The following SRGAP3 variants were observed in gnomAD, a reference collection of about 807,000 sequenced individuals.
SRGAP3 encodes SLIT-ROBO Rho GTPase activating protein 3.
Under a neutral mutation model 121.1 loss-of-function variants are expected in SRGAP3, and 39 were observed. That is an observed-to-expected ratio of 0.32 (90% confidence interval 0.25 to 0.42). The LOEUF (loss-of-function observed/expected upper bound fraction) is 0.42. Ranked by LOEUF, SRGAP3 falls within the 10% of genes least tolerant of loss-of-function variation. The probability of loss-of-function intolerance (pLI) is 1.00; values close to 1 mark genes in which losing one functional copy is unlikely to be tolerated. For synonymous variants in SRGAP3, 601 were observed against 570.0 expected, an observed-to-expected ratio of 1.05 and a Z score of -0.77; for missense variants, 1,213 against 1,470.6, an observed-to-expected ratio of 0.82 and a Z score of 2.86.
At chr3:9,011,172 G>GA (rs1476674769) in intron 17 of SRGAP3, among the ~76,000 whole-genome samples, 2 of 151,412 alleles carry the variant, frequency 1.3e-5, no homozygotes, top group Admixed American at 6.6e-5. Context: ...AGAGGGACAA[G>GA]AAAAAAAACC....
chr3:9,153,633 A>G (rs1950287262), intron 1 of SRGAP3, among the ~76,000 whole-genome samples: 1 of 152,254 alleles, frequency 6.6e-6, no homozygotes, highest in Admixed American at 6.5e-5. Flanking sequence ...AAGTCATGCA[A>G]TGCAGTGGTA....
In SRGAP3 at chr3:8,990,622, G is replaced by C. The variant is rs1446905033; in HGVS notation, c.2776C>G (p.Pro926Ala). The C allele has an allele frequency of 3.7e-6, 6 of 1,613,186 alleles. No individual in the cohort carries two copies. In the South Asian group the frequency reaches 5.5e-5, roughly 15 times the overall value. ...TFGSAGSINYPDKKALSEGHS... is the reference protein window; with the variant it reads ...TFGSAGSINYADKKALSEGHS... ...CCTTCGGAGAGCGCCTTCTTGTCAG[G>C]GTAGTTGATGCTGCCAGCGCTCCCG... Residue 926 changes from proline (P) to alanine (A), a missense_variant, in exon 21 of 22, where the codon CCT (proline) becomes GCT (alanine). Transcript: ENST00000383836.
intron 1 of SRGAP3, among the ~76,000 whole-genome samples, chr3:9,170,180 T>C (rs754528120): frequency 5.9e-5 from 9 of 152,264 alleles, no homozygotes; most frequent in Middle Eastern, 3.4e-3. Flanking sequence ...TGAATGTCCG[T>C]AGAAGAAACC....
At chr3:9,291,475 T>A (rs1044416917) in intron 3 of SRGAP3, among the ~76,000 whole-genome samples, 25 of 152,156 alleles carry the variant, frequency 1.6e-4, no homozygotes, top group African/African-American at 6.0e-4. Context: ...CTGGAATACA[T>A]TTTATTTGGA....
At chr3:9,075,349 G>A (rs1002692769) in intron 4 of SRGAP3, among the ~76,000 whole-genome samples, 2 of 151,816 alleles carry the variant, frequency 1.3e-5, no homozygotes, top group African/African-American at 2.4e-5. Context: ...TGTGGTGCAT[G>A]TCAAACTGCA....
intron 1 of SRGAP3, 150 bp from the exon 2 acceptor site, chr3:9,125,067 T>C (rs1949171743): frequency 1.2e-6 from 1 of 862,810 alleles, no homozygotes; most frequent in East Asian, 2.7e-5. Context: ...GCTCAGACCT[T>C]GCTTGGCAGA....
At chr3:9,121,795 C>A (rs889414293) in intron 2 of SRGAP3, among the ~76,000 whole-genome samples, 1 of 152,186 alleles carries the variant, frequency 6.6e-6, no homozygotes, top group South Asian at 2.1e-4. Flanking sequence ...GGGGAAGGAG[C>A]GGACAGGAGA....
chr3:9,099,741 A>C (rs1948135596), intron 3 of SRGAP3, among the ~76,000 whole-genome samples: 1 of 152,208 alleles, frequency 6.6e-6, no homozygotes, highest in African/African-American at 2.4e-5. Context: ...GCCCCACCTT[A>C]AACCTACTGA....
At position 9,249,080 on chromosome 3, in the gene SRGAP3, C is replaced by G; in HGVS notation, c.-129G>C. The G allele has an allele frequency of 2.2e-6, 2 of 898,546 alleles. No homozygotes were observed. The highest frequency in any genetic ancestry group is 3.6e-6 in the Non-Finnish European group (2 of 551,436). 55.7% of individuals were successfully genotyped at this position (898,546 alleles called of 1,614,324 possible). A position where few individuals can be genotyped will look rare whatever the true frequency, so the allele number is the denominator to read the frequency against. ...CACAGGTTTAGGGACTAATCTCTTT[C>G]ACTTGGCTGCAGAGCAGGGAGAAAA... On this transcript the variant is annotated 5_prime_UTR_variant, in exon 1 of 22. Transcript: ENST00000383836.
At chr3:9,082,899 T>C (rs1560105075) in intron 3 of SRGAP3, among the ~76,000 whole-genome samples, 1 of 152,210 alleles carries the variant, frequency 6.6e-6, no homozygotes, top group South Asian at 2.1e-4. Context: ...GAAGGTGGTC[T>C]CTGCTTGTGC....
intron 1 of SRGAP3, among the ~76,000 whole-genome samples, chr3:9,187,765 T>C (rs1195585463): frequency 6.6e-6 from 1 of 152,156 alleles, no homozygotes; most frequent in Non-Finnish European, 1.5e-5. Flanking sequence ...TCAGGCTCGA[T>C]CTCATTTCAC....
At position 9,109,261 on chromosome 3, in the gene SRGAP3, C is replaced by G. The variant is rs17050026; in HGVS notation, c.261-4419G>C. On this transcript the variant is annotated intron_variant, in intron 2 of 21. Transcript: ENST00000383836. This position sits in a 1 kb window ranked among gnomAD's most constrained non-coding sequence, Gnocchi z 4.4. ...GTTTCAGAGGGAAGGAAAAAGACAA[C>G]TGATCTGGAACTGATGGGGAATTGC... 0.05 allele frequency among the ~76,000 whole-genome samples: 7,573 copies of G among 152,204 alleles called. 643 individuals are homozygous for G. The highest frequency in any genetic ancestry group is 0.17 in the African/African-American group (7,214 of 41,492).
At chr3:9,184,352 C>A (rs1951528087) in intron 1 of SRGAP3, among the ~76,000 whole-genome samples, 1 of 152,122 alleles carries the variant, frequency 6.6e-6, no homozygotes, top group Admixed American at 6.5e-5. Context: ...GAATTTGAAT[C>A]TGAACTGCCA....
At chr3:9,146,463 C>G (rs1399992511) in intron 1 of SRGAP3, among the ~76,000 whole-genome samples, 2 of 152,190 alleles carry the variant, frequency 1.3e-5, no homozygotes, top group African/African-American at 2.4e-5. Flanking sequence ...ATTTCTATAA[C>G]TGATTTCAAA....
intron 11 of SRGAP3, chr3:9,037,848 C>T: frequency 1.6e-6 from 1 of 632,462 alleles, no homozygotes; most frequent in Non-Finnish European, 2.7e-6. Flanking sequence ...AGCGCCCCTT[C>T]CATCGCCAGC....
At chr3:9,014,900 G>A (rs892897480) in intron 15 of SRGAP3, 2 of 152,164 alleles carry the variant, frequency 1.3e-5, no homozygotes, top group Non-Finnish European at 2.9e-5. Flanking sequence ...TTCTAAAGTT[G>A]AAAGCTTATT....
At chr3:9,334,926 A>C (rs1955667586) in intron 1 of SRGAP3, among the ~76,000 whole-genome samples, 1 of 152,138 alleles carries the variant, frequency 6.6e-6, no homozygotes, top group African/African-American at 2.4e-5. Flanking sequence ...AAGGCTTTGA[A>C]ATCTGTCCAG....
At chr3:9,160,692 T>C (rs1350341258) in intron 1 of SRGAP3, among the ~76,000 whole-genome samples, 2 of 152,232 alleles carry the variant, frequency 1.3e-5, no homozygotes, top group Non-Finnish European at 2.9e-5. Context: ...TTTGGAATAA[T>C]TTATTTCACA....
intron 2 of SRGAP3, among the ~76,000 whole-genome samples, chr3:9,110,312 T>C (rs973876642): frequency 5.3e-5 from 8 of 151,676 alleles, no homozygotes; most frequent in South Asian, 2.1e-4. Flanking sequence ...GGAGGGAGGA[T>C]GATGAGTTCG....
Sources: allele counts gnomAD v4.1 joint callset (sites outside exome capture counted in the v4.1 genomes callset), GRCh38; gene constraint gnomAD v4.1.1; non-coding constraint Gnocchi (gnomAD v3.1); transcripts MANE v1.5; gene names NCBI Gene and HGNC (gene_info 2026-07-23, HGNC 2026-07-21).